CA10: variants seen among roughly 807,000 people sequenced by gnomAD.
CA10 encodes carbonic anhydrase 10 (inactive), also known as carbonic anhydrase-related protein 10.
Under a neutral mutation model 44.2 loss-of-function variants are expected in CA10, and 14 were observed. The observed-to-expected ratio is 0.32, with a 90% CI of 0.21 to 0.50. The LOEUF is 0.50. Ranked by LOEUF, CA10 falls within the 20% of genes least tolerant of loss-of-function variation. The pLI is 0.99. For synonymous variants in CA10, 159 were observed against 141.6 expected (o/e 1.12, Z -0.87); for missense variants, 350 against 409.7 (o/e 0.85, Z 1.26).
intron 4 of CA10, among the ~76,000 whole-genome samples, chr17:51,738,828 G>T (rs2079574330): frequency 6.6e-6 from 1 of 152,108 alleles, no homozygotes; most frequent in African/African-American, 2.4e-5. Context: ...TGAATCTTGG[G>T]ATTTGACAGA....
intron 2 of CA10, among the ~76,000 whole-genome samples, chr17:52,010,547 C>T (rs1245230695): frequency 6.6e-6 from 1 of 151,878 alleles, no homozygotes; most frequent in Non-Finnish European, 1.5e-5. Flanking sequence ...ATAGTATGTT[C>T]TCACTCATTT....
At chr17:51,860,927 C>A (rs1979274954) in intron 3 of CA10, among the ~76,000 whole-genome samples, 1 of 152,254 alleles carries the variant, frequency 6.6e-6, no homozygotes, top group Middle Eastern at 3.4e-3. Flanking sequence ...CTCCCCACAA[C>A]CTGTGGGCTG....
chr17:52,130,291 T>C (rs2143345201), intron 1 of CA10, among the ~76,000 whole-genome samples: 1 of 152,250 alleles, frequency 6.6e-6, no homozygotes, highest in East Asian at 1.9e-4. Flanking sequence ...GACCCAGCAA[T>C]CCCACTTCTA....
At chr17:51,730,595 A>G (rs1296323450) in intron 4 of CA10, among the ~76,000 whole-genome samples, 1 of 152,250 alleles carries the variant, frequency 6.6e-6, no homozygotes, top group Non-Finnish European at 1.5e-5. Context: ...TCAAGCAAAC[A>G]TTCTTTTTCC....
In CA10 at chr17:51,845,929, T is replaced by C. The variant is rs1301743816; in HGVS notation, c.279+85061A>G. Among the ~76,000 whole-genome samples, 3 of 152,226 alleles carry C rather than the reference T, an allele frequency of 2.0e-5. 1 individual carries two copies. The highest frequency in any genetic ancestry group is 4.1e-4 in the South Asian group (2 of 4,830). ...ATGCTCATGGACATGAATGCTAACA[T>C]TGGCATTCTACCCAGTAAGCTTTAG... On this transcript the variant is annotated intron_variant, in intron 3 of 8. Transcript: ENST00000451037.
At position 51,852,294 on chromosome 17, in the gene CA10, T is replaced by C. The variant is rs1025813714; in HGVS notation, c.279+78696A>G. Among the ~76,000 whole-genome samples the C allele has an allele frequency of 1.2e-4, 19 of 152,286 alleles. 1 individual carries two copies. Among genetic ancestry groups the C allele is most frequent in the Admixed American group, 9.8e-4 (15 of 15,292 alleles). ...CTGCACCGAGTCAGAGGCGAGGAGA[T>C]TGGGCTTGTCTGTGTTCTCCACACT... On this transcript the variant is annotated intron_variant, in intron 3 of 8. Transcript: ENST00000451037.
chr17:51,640,620 T>C (rs1369533208), intron 6 of CA10, among the ~76,000 whole-genome samples: 1 of 152,218 alleles, frequency 6.6e-6, no homozygotes, highest in Admixed American at 6.5e-5. Flanking sequence ...CTGCATCTTC[T>C]TTTCTCTCTG....
At chr17:52,006,090 T>C (rs1985587860) in intron 2 of CA10, among the ~76,000 whole-genome samples, 1 of 151,848 alleles carries the variant, frequency 6.6e-6, no homozygotes, top group African/African-American at 2.4e-5. Flanking sequence ...TGAAGGCACA[T>C]ACTATAAAAT....
intron 3 of CA10, among the ~76,000 whole-genome samples, chr17:51,925,949 G>A (rs1661415695): frequency 6.6e-6 from 1 of 152,074 alleles, no homozygotes; most frequent in Non-Finnish European, 1.5e-5. Flanking sequence ...ATGGAAAATG[G>A]GGAGTTCTTG....
rs562856870 is a variant in CA10 at position 51,981,077 on chromosome 17, A to G, written c.137-49945T>C. The stretch of plus-strand genomic sequence containing the variant: ...CCAATACCCATACATTGCTGTTGCA[A>G]GTATAAAATGGTACTGCCATTTTGG... On this transcript the variant is annotated intron_variant, in intron 2 of 8. Coordinates refer to ENST00000451037, the MANE Select transcript of CA10 (RefSeq NM_020178.5). Among the ~76,000 whole-genome samples, 4 of 152,242 alleles carry G rather than the reference A, an allele frequency of 2.6e-5. No individual in the cohort carries two copies. In the South Asian group the frequency reaches 8.3e-4, roughly 32 times the overall value.
At position 52,133,898 on chromosome 17, in the gene CA10, C is replaced by T. The variant is rs1023635779; in HGVS notation, c.61+23828G>A. Among the ~76,000 whole-genome samples the T allele has an allele frequency of 3.3e-5, 5 of 152,044 alleles. No homozygotes were observed. In the East Asian group the frequency reaches 9.6e-4, roughly 29 times the overall value. Reference sequence around the variant, plus strand: ...AGAAGATTAATGAATGAAGAAGGAACCAAGGAGGGAAGATGCTTTATGACT... The same window carrying T: ...AGAAGATTAATGAATGAAGAAGGAATCAAGGAGGGAAGATGCTTTATGACT... On this transcript the variant is annotated intron_variant, in intron 1 of 8. Transcript: ENST00000451037.
rs535122473 is a variant in CA10 at position 51,634,144 on chromosome 17, G to A, written c.790-494C>T. On this transcript the variant is annotated intron_variant, in intron 7 of 8. Transcript: ENST00000451037. ...CAGCCATGTTCTGCCACAGGACTGT[G>A]AGGCAAAAGAAGACGGTCTCTAGCA... Among the ~76,000 whole-genome samples the A allele has an allele frequency of 3.8e-4, 58 of 152,354 alleles. 2 individuals carry two copies. In the South Asian group the frequency reaches 0.01, roughly 27 times the overall value.
intron 4 of CA10, among the ~76,000 whole-genome samples, chr17:51,733,985 G>A (rs1048114815): frequency 6.6e-6 from 1 of 152,022 alleles, no homozygotes; most frequent in African/African-American, 2.4e-5. Flanking sequence ...GTGTGATGGG[G>A]TTTGTGTGTG....
chr17:51,705,478 A>T (rs1401971460), intron 4 of CA10, among the ~76,000 whole-genome samples: 2 of 152,220 alleles, frequency 1.3e-5, no homozygotes, highest in Non-Finnish European at 2.9e-5. Context: ...TCCCTAAAAC[A>T]GTGCTTGGCA....
At chr17:51,830,074 G>C (rs1211247934) in intron 3 of CA10, among the ~76,000 whole-genome samples, 1 of 151,746 alleles carries the variant, frequency 6.6e-6, no homozygotes. Flanking sequence ...GCGCATGCCT[G>C]TCATCCCAGC....
At chr17:52,051,944 G>A (rs1384278976) in intron 2 of CA10, among the ~76,000 whole-genome samples, 9 of 151,794 alleles carry the variant, frequency 5.9e-5, no homozygotes, top group East Asian at 3.9e-4. Context: ...AATACTAGGC[G>A]GCCATAAAAA....
intron 1 of CA10, among the ~76,000 whole-genome samples, chr17:52,132,622 T>G (rs1989266990): frequency 6.6e-6 from 1 of 152,222 alleles, no homozygotes; most frequent in Admixed American, 6.5e-5. Context: ...ACAGTGAACA[T>G]GCAGAATTCA....
chr17:51,671,487 C>A (rs1401330986), intron 4 of CA10, among the ~76,000 whole-genome samples: 1 of 152,134 alleles, frequency 6.6e-6, no homozygotes, highest in East Asian at 1.9e-4. Context: ...TCACTGCAAG[C>A]TCCACCTCCC....
At position 51,920,761 on chromosome 17, in the gene CA10, C is replaced by T. The variant is rs546268671; in HGVS notation, c.279+10229G>A. Among the ~76,000 whole-genome samples, 5 of 152,270 alleles carry T rather than the reference C, an allele frequency of 3.3e-5. No individual in the cohort carries two copies. The South Asian group carries it at 1.0e-3, about 32-fold the overall frequency. On this transcript the variant is annotated intron_variant, in intron 3 of 8. Transcript: ENST00000451037. ...AATGCTTCTGCACTGAATCCATTTCCCAACTTAAAATACAGCATCTTAGAC... is the reference window on the plus strand; with the variant it reads ...AATGCTTCTGCACTGAATCCATTTCTCAACTTAAAATACAGCATCTTAGAC...
Sources: gnomAD v4.1 joint callset for allele counts (sites outside exome capture counted in the v4.1 genomes callset) on GRCh38, gnomAD v4.1.1 for gene constraint, MANE v1.5 for transcripts, NCBI Gene and HGNC (gene_info 2026-07-23, HGNC 2026-07-21) for gene names.